Variants in KANSL1 observed in about 807,000 individuals in gnomAD.
KANSL1 encodes MLL1/MLL complex subunit KANSL1.
In KANSL1, 22 loss-of-function variants were observed where a neutral mutation model predicts 103.6. That is an observed-to-expected ratio of 0.21 (90% CI 0.15 to 0.30). The LOEUF (loss-of-function observed/expected upper bound fraction) is 0.30. Ranked by LOEUF, KANSL1 falls within the 10% of genes least tolerant of loss-of-function variation. The pLI is 1.00. For synonymous variants in KANSL1, 600 were observed against 527.6 expected (o/e 1.14, Z -1.88); for missense variants, 1,337 against 1,399.8 (o/e 0.96, Z 0.72).
At chr17:46,147,572 TAAAAAAAAAAAAAAAA>T (rs10717937) in intron 2 of KANSL1, among the ~76,000 whole-genome samples, 6 of 103,068 alleles carry the variant, frequency 5.8e-5, no homozygotes, top group Admixed American at 3.1e-4. Flanking sequence ...TGAGACTCTT[TAAAAAAAAAAAAAAAA>T]AAAAAAAAGA....
intron 4 of KANSL1, among the ~76,000 whole-genome samples, chr17:46,077,226 A>AT (rs936603427): frequency 2.6e-5 from 4 of 151,858 alleles, no homozygotes; most frequent in East Asian, 1.9e-4. Context: ...TCATTTTTGT[A>AT]TTTTTTTGTA....
chr17:46,178,240 A>C (rs1567772971), intron 1 of KANSL1, among the ~76,000 whole-genome samples: 1 of 152,192 alleles, frequency 6.6e-6, no homozygotes, highest in Non-Finnish European at 1.5e-5. Context: ...GGAAAAAAAA[A>C]CGAAAAACAA....
chr17:46,218,723 C>T (rs555245889), intron 1 of KANSL1, among the ~76,000 whole-genome samples: 2 of 151,572 alleles, frequency 1.3e-5, no homozygotes, highest in East Asian at 3.9e-4. Flanking sequence ...ACACAGGTTG[C>T]AGTGAGCCGA....
intron 1 of KANSL1, among the ~76,000 whole-genome samples, chr17:46,185,422 T>A (rs1330717903): frequency 2.0e-5 from 3 of 152,218 alleles, no homozygotes; most frequent in Non-Finnish European, 4.4e-5. Context: ...CTACACTTTT[T>A]AAGCTATTAT....
intron 5 of KANSL1, among the ~76,000 whole-genome samples, chr17:46,066,960 G>A (rs1458237706): frequency 2.6e-5 from 4 of 152,176 alleles, no homozygotes; most frequent in Non-Finnish European, 5.9e-5. Context: ...ACTACATCAT[G>A]TCTGAAAGAT....
At chr17:46,151,474 A>G (rs1352870519) in intron 2 of KANSL1, among the ~76,000 whole-genome samples, 1 of 152,154 alleles carries the variant, frequency 6.6e-6, no homozygotes, top group Non-Finnish European at 1.5e-5. Context: ...CTCTCCCATA[A>G]CCATCACTTT....
intron 2 of KANSL1, among the ~76,000 whole-genome samples, chr17:46,153,998 A>AC (rs1367756572): frequency 1.8e-4 from 27 of 152,110 alleles, no homozygotes; most frequent in Admixed American, 5.9e-4. Flanking sequence ...ACTCAACTAT[A>AC]CCCCCCTCTA....
chr17:46,050,357 C>A, intron 7 of KANSL1, 176 bp downstream of exon 7: 2 of 604,382 alleles, frequency 3.3e-6, no homozygotes, highest in Non-Finnish European at 5.8e-6. Context: ...TTAGTGGCAC[C>A]TTCTGGTTTG....
intron 3 of KANSL1, among the ~76,000 whole-genome samples, chr17:46,090,656 G>A (rs2079348248): frequency 1.3e-5 from 2 of 152,200 alleles, no homozygotes; most frequent in Admixed American, 6.5e-5. Flanking sequence ...AATACAATAC[G>A]CTTTGAATGA....
At chr17:46,062,263 G>C (rs1002847468) in intron 6 of KANSL1, among the ~76,000 whole-genome samples, 11 of 150,022 alleles carry the variant, frequency 7.3e-5, no homozygotes, top group African/African-American at 2.7e-4. Context: ...TTTACTGATA[G>C]ATCTCATTTC....
At chr17:46,075,892 A>G (rs62060840) in intron 4 of KANSL1, among the ~76,000 whole-genome samples, 21,809 of 152,216 alleles carry the variant, frequency 0.14, 2,135 homozygotes, top group Non-Finnish European at 0.22. Flanking sequence ...CAGCAAGTCC[A>G]TAAGACTCAG....
intron 2 of KANSL1, among the ~76,000 whole-genome samples, chr17:46,096,602 G>A (rs759170304): frequency 5.7e-4 from 87 of 151,760 alleles, no homozygotes; most frequent in Non-Finnish European, 8.7e-4. Context: ...TTACAGGCAC[G>A]AGCCACTGCA....
intron 10 of KANSL1, among the ~76,000 whole-genome samples, chr17:46,036,637 T>A (rs189817029): frequency 2.6e-5 from 4 of 152,346 alleles, no homozygotes; most frequent in Admixed American, 6.5e-5. Flanking sequence ...ACAATAGCTT[T>A]TGCTATCTAT....
At chr17:46,215,171 CACT>C (rs1290011193) in intron 1 of KANSL1, 1 of 152,330 alleles carries the variant, frequency 6.6e-6, no homozygotes, top group Non-Finnish European at 1.5e-5. Flanking sequence ...TTGGACCAGC[CACT>C]ACTGTTATTA....
chr17:46,039,176 C>T lies in KANSL1; in HGVS notation c.2243G>A (p.Arg748Lys). 1 of 1,602,856 alleles carries T rather than the reference C, an allele frequency of 6.2e-7. No homozygotes were observed. The highest frequency in any genetic ancestry group is 8.5e-7 in the Non-Finnish European group (1 of 1,176,322). The change falls in exon 9 of 15, where the codon AGG (arginine) becomes AAG (lysine). Residue 748 changes from arginine (R) to lysine (K), a missense_variant. Coordinates refer to ENST00000432791, the MANE Select transcript of KANSL1 (RefSeq NM_015443.4). ...HHQTRPDRTH[R>K]QHLDDVGAVP... ...GGCCCCCACATCGTCTAAGTGCTGC[C>T]TGTGGGTCCTGTCAGGCCGGGTTTG...
At chr17:46,124,536 A>T (rs970177031) in intron 2 of KANSL1, among the ~76,000 whole-genome samples, 3 of 152,224 alleles carry the variant, frequency 2.0e-5, no homozygotes, top group Non-Finnish European at 2.9e-5. Context: ...TCTAAGCCTT[A>T]TAATTTAAAA....
intron 4 of KANSL1, among the ~76,000 whole-genome samples, chr17:46,075,122 C>G (rs2078712811): frequency 6.6e-6 from 1 of 152,040 alleles, no homozygotes; most frequent in African/African-American, 2.4e-5. Context: ...GATGCAAAAA[C>G]TAAAAGCAAT....
At chr17:46,211,447 G>T (rs898181978) in intron 1 of KANSL1, among the ~76,000 whole-genome samples, 2 of 152,348 alleles carry the variant, frequency 1.3e-5, no homozygotes, top group African/African-American at 4.8e-5. Context: ...ACAGATTTGT[G>T]TTGGGCCACA....
At chr17:46,103,453 G>C (rs57319081) in intron 2 of KANSL1, among the ~76,000 whole-genome samples, 14,623 of 151,974 alleles carry the variant, frequency 0.096, 846 homozygotes, top group East Asian at 0.31. Flanking sequence ...ATATATACCA[G>C]TATATTTTAT....
Sources: gnomAD v4.1 joint callset for allele counts (sites outside exome capture counted in the v4.1 genomes callset) on GRCh38, gnomAD v4.1.1 for gene constraint, MANE v1.5 for transcripts, NCBI Gene and HGNC (gene_info 2026-07-23, HGNC 2026-07-21) for gene names.